Variants in MYO3B observed in about 807,000 individuals in gnomAD.
The protein encoded by MYO3B is myosin IIIB.
A neutral mutation model predicts 174.6 loss-of-function variants in MYO3B; 156 were observed. The ratio of observed to expected loss-of-function variants is 0.89; its 90% CI spans 0.78 to 1.02. The LOEUF (loss-of-function observed/expected upper bound fraction) is 1.02, where lower values mean the gene tolerates loss of function less well. Among genes scored for constraint, MYO3B ranks in the 50% least tolerant of loss-of-function variants. The pLI, the probability that MYO3B is intolerant of heterozygous loss-of-function variation, is 0.00. For missense variants in MYO3B, 1,632 were observed against 1,639.4 expected (o/e 1.00, Z 0.08); for synonymous variants, 563 against 569.1 (o/e 0.99, Z 0.15).
chr2:170,451,043 C>T (rs916929250), intron 23 of MYO3B, among the ~76,000 whole-genome samples: 4 of 152,196 alleles, frequency 2.6e-5, no homozygotes, highest in Non-Finnish European at 5.9e-5. Flanking sequence ...TTAAGACATT[C>T]TTTAAAACCC....
chr2:170,483,375 C>CTTTTT lies in MYO3B; in HGVS notation c.3015-15192_3015-15188dup, dbSNP rs61527598. 1.2e-3 allele frequency among the ~76,000 whole-genome samples: 77 copies of CTTTTT among 62,106 alleles called. 5 individuals are homozygous for CTTTTT. The highest frequency in any genetic ancestry group is 1.6e-3 in the Non-Finnish European group (54 of 34,702). The allele number at this position is 62,106 out of a possible 152,430, so 40.7% of individuals were successfully genotyped here. The stretch of plus-strand genomic sequence containing the variant: ...AATTAAAACTCCTTGCTTGGGGATT[C>CTTTTT]TTTTTTTTTTTTTTTTTTTTTTTTT... On this transcript the variant is annotated intron_variant, in intron 25 of 34. Transcript: ENST00000408978.
intron 7 of MYO3B, among the ~76,000 whole-genome samples, chr2:170,271,690 T>C (rs548810987): frequency 4.7e-4 from 71 of 152,184 alleles, no homozygotes; most frequent in Admixed American, 9.8e-4. Context: ...TGAAGGCATG[T>C]ATCAGTGCTA....
At chr2:170,598,869 A>G (rs577125565) in intron 32 of MYO3B, among the ~76,000 whole-genome samples, 1 of 152,324 alleles carries the variant, frequency 6.6e-6, no homozygotes, top group South Asian at 2.1e-4. Context: ...CTAAGCTAAG[A>G]ATCTAGTACC....
intron 28 of MYO3B, among the ~76,000 whole-genome samples, chr2:170,503,083 C>A (rs1687384855): frequency 6.6e-6 from 1 of 152,226 alleles, no homozygotes; most frequent in African/African-American, 2.4e-5. Context: ...GCCTGCCTCC[C>A]AACACGCACA....
chr2:170,475,287 G>C (rs1178331467), intron 25 of MYO3B, among the ~76,000 whole-genome samples: 1 of 152,134 alleles, frequency 6.6e-6, no homozygotes, highest in Non-Finnish European at 1.5e-5. Flanking sequence ...GCCCTGCTCT[G>C]CTGCCTAGGC....
intron 22 of MYO3B, among the ~76,000 whole-genome samples, chr2:170,420,076 G>A (rs972649205): frequency 1.3e-5 from 2 of 152,004 alleles, no homozygotes; most frequent in African/African-American, 4.8e-5. Flanking sequence ...CCAGCTACTC[G>A]CGAGGCTGAG....
intron 25 of MYO3B, among the ~76,000 whole-genome samples, chr2:170,497,450 A>G (rs1341147672): frequency 3.9e-5 from 6 of 152,004 alleles, no homozygotes; most frequent in Admixed American, 6.6e-5. Flanking sequence ...CTCTGTCTGT[A>G]CTAAAAATAC....
chr2:170,305,272 A>G lies in MYO3B; in HGVS notation c.750-30113A>G, dbSNP rs548470294. 2.6e-5 allele frequency among the ~76,000 whole-genome samples: 4 copies of G among 152,318 alleles called. No homozygotes were observed. In the South Asian group the frequency reaches 8.3e-4, roughly 32 times the overall value. ...TATCTATCCTACACTAAAACGTTAC[A>G]TACACATAGATATGCTTCTCTACTT... On this transcript the variant is annotated intron_variant, in intron 7 of 34. Transcript: ENST00000408978.
At chr2:170,390,842 C>T (rs1431659092) in intron 14 of MYO3B, among the ~76,000 whole-genome samples, 1 of 152,092 alleles carries the variant, frequency 6.6e-6, no homozygotes, top group Admixed American at 6.5e-5. Flanking sequence ...GAAAAATTAT[C>T]ATGCTCTTGG....
At position 170,449,617 on chromosome 2, in the gene MYO3B, A is replaced by C. The variant is rs146175392; in HGVS notation, c.2730+5571A>C. ...ACATGAAGAAACTCCATCTCTACTA[A>C]AAATACAAAATTAGCTGGGCGTGGT... On this transcript the variant is annotated intron_variant, in intron 23 of 34. Coordinates refer to ENST00000408978, the MANE Select transcript of MYO3B (RefSeq NM_138995.5). Among the ~76,000 whole-genome samples, 648 of 152,196 alleles carry C rather than the reference A, an allele frequency of 4.3e-3. 4 individuals are homozygous for C. Among genetic ancestry groups the C allele is most frequent in the African/African-American group, 0.015 (633 of 41,528 alleles).
intron 23 of MYO3B, among the ~76,000 whole-genome samples, chr2:170,445,246 A>G (rs1018746680): frequency 2.0e-5 from 3 of 152,218 alleles, no homozygotes; most frequent in Non-Finnish European, 4.4e-5. Context: ...TAGCACTGTA[A>G]CACATGCCTG....
intron 32 of MYO3B, among the ~76,000 whole-genome samples, chr2:170,628,267 T>C (rs920417265): frequency 2.6e-5 from 4 of 152,170 alleles, no homozygotes; most frequent in African/African-American, 9.7e-5. Flanking sequence ...ACCCCCAGCC[T>C]CACTGCTGCC....
chr2:170,294,363 A>G (rs1256009497), intron 7 of MYO3B, among the ~76,000 whole-genome samples: 1 of 151,036 alleles, frequency 6.6e-6, no homozygotes, highest in Non-Finnish European at 1.5e-5. Flanking sequence ...TAATTTGGAT[A>G]TATTTATTTT....
chr2:170,330,188 C>G (rs1193278399), intron 7 of MYO3B, among the ~76,000 whole-genome samples: 1 of 152,182 alleles, frequency 6.6e-6, no homozygotes, highest in Non-Finnish European at 1.5e-5. Context: ...TCTTAATTAA[C>G]TGTGCCTCAC....
chr2:170,348,887 T>G (rs979548737), intron 8 of MYO3B, among the ~76,000 whole-genome samples: 1 of 152,226 alleles, frequency 6.6e-6, no homozygotes, highest in Non-Finnish European at 1.5e-5. Context: ...ACCCAGAACA[T>G]TCCATCTTAT....
intron 7 of MYO3B, among the ~76,000 whole-genome samples, chr2:170,250,849 C>T (rs2093244706): frequency 6.6e-6 from 1 of 151,948 alleles, no homozygotes; most frequent in African/African-American, 2.4e-5. Flanking sequence ...GGCCGACTCT[C>T]CCACTGTCCC....
rs564403884 is a variant in MYO3B, at chr2:170,589,749, A to G, written c.3733+45761A>G. On this transcript the variant is annotated intron_variant, in intron 32 of 34. Transcript: ENST00000408978. Reference sequence around the variant, plus strand: ...GGTTAATTTATTATTGAAGAAAGAAACAATTTTAAATAAATTTAGTGTAGT... The same window carrying G: ...GGTTAATTTATTATTGAAGAAAGAAGCAATTTTAAATAAATTTAGTGTAGT... 2.0e-5 allele frequency among the ~76,000 whole-genome samples: 3 copies of G among 152,318 alleles called. No individual in the cohort carries two copies. The South Asian group carries it at 6.2e-4, about 32-fold the overall frequency.
At chr2:170,525,789 C>T (rs1012813210) in intron 30 of MYO3B, among the ~76,000 whole-genome samples, 6 of 152,210 alleles carry the variant, frequency 3.9e-5, no homozygotes, top group African/African-American at 1.4e-4. Flanking sequence ...TCCCAGTCAG[C>T]AGGGCCGACT....
At chr2:170,573,522 A>G (rs553016582) in intron 32 of MYO3B, among the ~76,000 whole-genome samples, 2 of 152,272 alleles carry the variant, frequency 1.3e-5, no homozygotes, top group Non-Finnish European at 2.9e-5. Context: ...GGCAAAAGGC[A>G]ATTAACCTTA....
Sources: allele counts gnomAD v4.1 joint callset (sites outside exome capture counted in the v4.1 genomes callset), GRCh38; gene constraint gnomAD v4.1.1; transcripts MANE v1.5; gene names NCBI Gene and HGNC (gene_info 2026-07-23, HGNC 2026-07-21).